The following TNKS variants were observed in gnomAD, a reference collection of about 807,000 sequenced individuals.
TNKS encodes the protein tankyrase, also known as poly [ADP-ribose] polymerase tankyrase-1.
A neutral mutation model predicts 135.8 loss-of-function variants in TNKS; 72 were observed. The ratio of observed to expected loss-of-function variants is 0.53; its 90% confidence interval spans 0.44 to 0.64. The LOEUF is 0.64. Ranked by LOEUF, TNKS falls within the 30% of genes least tolerant of loss-of-function variation. TNKS has a pLI of 0.00. For synonymous variants in TNKS, 849 were observed against 649.3 expected (o/e 1.31, Z -4.68); for missense variants, 1,769 against 1,674.0 (o/e 1.06, Z -0.99).
chr8:9,584,666 A>G (rs765230268), intron 2 of TNKS, among the ~76,000 whole-genome samples: 8 of 152,240 alleles, frequency 5.3e-5, no homozygotes, highest in Admixed American at 2.6e-4. Context: ...TGGAAGTTGC[A>G]GAATGGGGCT....
chr8:9,650,246 A>G (rs926645060), intron 3 of TNKS, among the ~76,000 whole-genome samples: 3 of 152,062 alleles, frequency 2.0e-5, no homozygotes, highest in African/African-American at 7.2e-5. Flanking sequence ...GGCTGGTTCC[A>G]TATTTTTTGC....
At chr8:9,715,878 C>G (rs1465828532) in intron 11 of TNKS, among the ~76,000 whole-genome samples, 2 of 152,164 alleles carry the variant, frequency 1.3e-5, no homozygotes, top group African/African-American at 2.4e-5. Context: ...AAGACTTTAT[C>G]CTTCATGTGG....
At chr8:9,603,003 A>G (rs1358344112) in intron 2 of TNKS, among the ~76,000 whole-genome samples, 2 of 152,220 alleles carry the variant, frequency 1.3e-5, no homozygotes, top group Admixed American at 6.5e-5. Context: ...TGTCCTAAAT[A>G]TATTAAACAT....
At chr8:9,706,362 GT>G in intron 7 of TNKS, 109 bp downstream of exon 7, 2 of 875,622 alleles carry the variant, frequency 2.3e-6, no homozygotes, top group Non-Finnish European at 3.4e-6. Flanking sequence ...GTTCTTTGGG[GT>G]TTTTTGTTTG....
intron 25 of TNKS, among the ~76,000 whole-genome samples, chr8:9,769,304 CCAGT>C (rs975231037): frequency 6.6e-6 from 1 of 152,182 alleles, no homozygotes; most frequent in African/African-American, 2.4e-5. Context: ...GACTTTCTTC[CCAGT>C]CAGTCTTTCT....
At chr8:9,604,865 C>CT (rs1799157345) in intron 2 of TNKS, among the ~76,000 whole-genome samples, 1 of 151,762 alleles carries the variant, frequency 6.6e-6, no homozygotes, top group Non-Finnish European at 1.5e-5. Context: ...ATCCTACTCT[C>CT]TTTTTCCTCT....
At chr8:9,567,220 T>G (rs1205277632) in intron 1 of TNKS, among the ~76,000 whole-genome samples, 2 of 152,182 alleles carry the variant, frequency 1.3e-5, no homozygotes, top group Non-Finnish European at 2.9e-5. Flanking sequence ...CTCCAGTCCT[T>G]CTCTTAGGCA....
chr8:9,595,331 A>G (rs1349670594), intron 2 of TNKS, among the ~76,000 whole-genome samples: 2 of 152,102 alleles, frequency 1.3e-5, no homozygotes, highest in African/African-American at 4.8e-5. Flanking sequence ...AAAGATGACA[A>G]AATTCCATAC....
intron 2 of TNKS, among the ~76,000 whole-genome samples, chr8:9,605,207 C>T (rs1435898529): frequency 6.6e-6 from 1 of 152,024 alleles, no homozygotes; most frequent in Non-Finnish European, 1.5e-5. Flanking sequence ...CCCCAGTCAA[C>T]AATGATCTAT....
At chr8:9,616,415 C>G (rs920091641) in intron 3 of TNKS, among the ~76,000 whole-genome samples, 12 of 152,274 alleles carry the variant, frequency 7.9e-5, no homozygotes, top group African/African-American at 2.9e-4. Context: ...TGCCTTTGCC[C>G]TCTTTTACTT....
intron 18 of TNKS, 61 bp downstream of exon 18, chr8:9,748,273 T>G (rs1806340008): frequency 7.6e-7 from 1 of 1,318,038 alleles, no homozygotes; most frequent in African/African-American, 1.5e-5. Context: ...GACATCAGAT[T>G]CTCGGGTTCA....
chr8:9,713,759 G>T (rs73531236), intron 11 of TNKS, among the ~76,000 whole-genome samples: 2 of 152,206 alleles, frequency 1.3e-5, no homozygotes, highest in Non-Finnish European at 2.9e-5. Context: ...GCAGGATGCT[G>T]TTCCTCATGG....
chr8:9,585,002 T>C (rs1187644479), intron 2 of TNKS, among the ~76,000 whole-genome samples: 1 of 151,864 alleles, frequency 6.6e-6, no homozygotes, highest in Non-Finnish European at 1.5e-5. Context: ...CCAGAAGGGA[T>C]GATTAAGACA....
chr8:9,761,097 GT>G (rs1807126908), intron 20 of TNKS, among the ~76,000 whole-genome samples: 1 of 152,048 alleles, frequency 6.6e-6, no homozygotes, highest in Non-Finnish European at 1.5e-5. Flanking sequence ...TTGTTTACTT[GT>G]GCTGAACGCC....
At chr8:9,580,821 C>A (rs1453343794) in intron 2 of TNKS, among the ~76,000 whole-genome samples, 1 of 152,140 alleles carries the variant, frequency 6.6e-6, no homozygotes, top group Non-Finnish European at 1.5e-5. Context: ...GTTTTGAATA[C>A]AGTAGTTCAG....
chr8:9,650,646 A>G (rs1801113913), intron 3 of TNKS, among the ~76,000 whole-genome samples: 1 of 152,042 alleles, frequency 6.6e-6, no homozygotes, highest in South Asian at 2.1e-4. Flanking sequence ...TCCTTTGCCC[A>G]CTTTTTGATG....
intron 5 of TNKS, among the ~76,000 whole-genome samples, chr8:9,699,944 A>G (rs905020428): frequency 3.3e-5 from 5 of 152,214 alleles, no homozygotes; most frequent in Non-Finnish European, 7.3e-5. Context: ...TTTCTCAAAT[A>G]TACCTTGTCC....
At chr8:9,701,532 C>T (rs1306196897) in intron 5 of TNKS, among the ~76,000 whole-genome samples, 3 of 152,196 alleles carry the variant, frequency 2.0e-5, no homozygotes, top group Non-Finnish European at 4.4e-5. Flanking sequence ...AAGTCCAATT[C>T]AGTCATGAAA....
intron 5 of TNKS, among the ~76,000 whole-genome samples, chr8:9,702,032 A>G (rs1044001496): frequency 6.6e-6 from 1 of 152,228 alleles, no homozygotes; most frequent in African/African-American, 2.4e-5. Context: ...ACTGGGTGTC[A>G]TCAAAGGACA....
Sources: gnomAD v4.1 joint callset for allele counts (sites outside exome capture counted in the v4.1 genomes callset) on GRCh38, gnomAD v4.1.1 for gene constraint, MANE v1.5 for transcripts, NCBI Gene and HGNC (gene_info 2026-07-23, HGNC 2026-07-21) for gene names.